The following SDR42E1 variants were observed in gnomAD, a reference collection of about 807,000 sequenced individuals.
The protein encoded by SDR42E1 is short-chain dehydrogenase/reductase family 42E member 1.
Under a neutral mutation model 2.6 loss-of-function variants are expected in SDR42E1, and 5 were observed. That is an observed-to-expected ratio of 1.94 (90% CI 1.01 to 4.08). The LOEUF is 4.08. SDR42E1 is among the 30% of genes most tolerant of loss of function. The pLI is 0.00. For missense variants in SDR42E1, 596 were observed against 478.6 expected, an observed-to-expected ratio of 1.25 and a Z score of -2.29; for synonymous variants, 231 against 188.3, an observed-to-expected ratio of 1.23 and a Z score of -1.86.
intron 1 of SDR42E1, among the ~76,000 whole-genome samples, chr16:82,010,398 G>A (rs1913087552): frequency 6.6e-6 from 1 of 152,106 alleles, no homozygotes; most frequent in African/African-American, 2.4e-5. Context: ...GCACAATAAG[G>A]CTGGGACAAT....
Position 81,995,090 on chromosome 16 carries a change from T to G in SDR42E1, c.*4021A>C, listed in dbSNP as rs1196473725. The G allele has an allele frequency of 6.6e-6, 1 of 152,168 alleles. No individual in the cohort carries two copies. The highest frequency in any genetic ancestry group is 1.5e-5 in the Non-Finnish European group (1 of 68,058). 9.4% of individuals were successfully genotyped at this position (152,168 alleles called of 1,614,324 possible). ...CAGACCGCTCTTCCCTTTTTGCAGG[T>G]GGGAGCAGTTTGGGCATTACCTTTA... On this transcript the variant is annotated 3_prime_UTR_variant, in exon 3 of 3. Transcript: ENST00000328945.
chr16:82,007,316 C>T (rs956039154), intron 1 of SDR42E1, among the ~76,000 whole-genome samples: 4 of 152,104 alleles, frequency 2.6e-5, no homozygotes, highest in African/African-American at 9.7e-5. Flanking sequence ...GAAGTAATAC[C>T]AAGTAATTGA....
Position 81,999,976 on chromosome 16 carries a change from A to C in SDR42E1, c.317T>G (p.Ile106Ser), listed in dbSNP as rs1301836076. ...KEVNVRGTDN[I>S]LQVCQRRRVP... Reference sequence around the variant, plus strand: ...CCTTCTCCTTTGGCAAACCTGGAGGATGTTGTCTGTGCCCCTGACGTTGAC... The same window carrying C: ...CCTTCTCCTTTGGCAAACCTGGAGGCTGTTGTCTGTGCCCCTGACGTTGAC... The change falls in exon 3 of 3, where the codon ATC becomes AGC. Residue 106 changes from isoleucine (I) to serine (S), a missense_variant. Physicochemically the swap from Ile to Ser is moderately radical, Grantham distance 142. Transcript: ENST00000328945. 2 of 1,614,126 alleles carry C rather than the reference A, an allele frequency of 1.2e-6. No homozygotes were observed. The highest frequency in any genetic ancestry group is 2.2e-5 in the East Asian group (1 of 44,872).
At position 81,993,761 on chromosome 16, in the gene SDR42E1, T is replaced by C. The variant is rs1172374531; in HGVS notation, c.*5350A>G. 1 of 152,226 alleles carries C rather than the reference T, an allele frequency of 6.6e-6. No individual in the cohort carries two copies. The highest frequency in any genetic ancestry group is 6.5e-5 in the Admixed American group (1 of 15,276). The allele number at this position is 152,226 out of a possible 1,614,324, so 9.4% of individuals were successfully genotyped here. A position where few individuals can be genotyped will look rare whatever the true frequency, so the allele number is the denominator to read the frequency against. ...ATGGTTCCTGCTCTCATGGGGCGTTTATGTTCTGGGGAGCAAATCACTTCA... is the reference window on the plus strand; with the variant it reads ...ATGGTTCCTGCTCTCATGGGGCGTTCATGTTCTGGGGAGCAAATCACTTCA... On this transcript the variant is annotated 3_prime_UTR_variant, in exon 3 of 3. Transcript: ENST00000328945.
chr16:82,004,556 A>G (rs1242569062), intron 1 of SDR42E1, among the ~76,000 whole-genome samples: 2 of 152,190 alleles, frequency 1.3e-5, no homozygotes, highest in Non-Finnish European at 2.9e-5. Flanking sequence ...GCTATAGTGC[A>G]GAGGTGTGAC....
intron 1 of SDR42E1, among the ~76,000 whole-genome samples, chr16:82,005,764 G>A (rs1018983231): frequency 6.6e-6 from 1 of 152,134 alleles, no homozygotes; most frequent in African/African-American, 2.4e-5. Context: ...GGTGGGGAGG[G>A]CTACATCCGA....
Position 81,996,447 on chromosome 16 carries a change from G to C in SDR42E1, c.*2664C>G, listed in dbSNP as rs1357809667. ...ATCTCTGGGATGGGAAATTCAGCAGGTAGTGGAGATATTTACTAAGGAAGG... is the reference window on the plus strand; with the variant it reads ...ATCTCTGGGATGGGAAATTCAGCAGCTAGTGGAGATATTTACTAAGGAAGG... On this transcript the variant is annotated 3_prime_UTR_variant, in exon 3 of 3. Coordinates refer to ENST00000328945, the MANE Select transcript of SDR42E1 (RefSeq NM_145168.3). 1 of 152,198 alleles carries C rather than the reference G, an allele frequency of 6.6e-6. No homozygotes were observed. Among genetic ancestry groups the C allele is most frequent in the Admixed American group, 6.5e-5 (1 of 15,286 alleles). The allele number at this position is 152,198 out of a possible 1,614,324, so 9.4% of individuals were successfully genotyped here. A position where few individuals can be genotyped will look rare whatever the true frequency, so the allele number is the denominator to read the frequency against.
rs544849190 is a variant in SDR42E1, at chr16:81,994,850, C to T, written c.*4261G>A. On this transcript the variant is annotated 3_prime_UTR_variant, in exon 3 of 3. Coordinates refer to ENST00000328945, the MANE Select transcript of SDR42E1 (RefSeq NM_145168.3). ...AAGCAACACTTGCCTCTTTTATACA[C>T]CATGTTAGATGGTTGAGGAAAATAA... 4 of 152,298 alleles carry T rather than the reference C, an allele frequency of 2.6e-5. 1 individual carries two copies. The highest frequency in any genetic ancestry group is 9.6e-5 in the African/African-American group (4 of 41,548). 9.4% of individuals were successfully genotyped at this position (152,298 alleles called of 1,614,324 possible). A position where few individuals can be genotyped will look rare whatever the true frequency, so the allele number is the denominator to read the frequency against.
intron 1 of SDR42E1, among the ~76,000 whole-genome samples, chr16:82,002,763 C>A (rs1333051221): frequency 6.6e-6 from 1 of 152,174 alleles, no homozygotes; most frequent in East Asian, 1.9e-4. Flanking sequence ...ACACTCTGAA[C>A]CTGCTGCTTC....
chr16:82,003,196 G>T (rs573850801), intron 1 of SDR42E1, among the ~76,000 whole-genome samples: 9 of 152,238 alleles, frequency 5.9e-5, no homozygotes, highest in Admixed American at 2.0e-4. Flanking sequence ...AGTTCCCAAG[G>T]TTCCATTAAG....
Position 81,999,186 on chromosome 16 carries a change from C to T in SDR42E1, c.1107G>A (p.Trp369Ter), listed in dbSNP as rs1912638267. Residue 369 changes from tryptophan (W) to a stop codon, truncating the protein, a stop_gained, in exon 3 of 3, where the codon TGG becomes TGA. Transcript: ENST00000328945. LOFTEE classifies it low-confidence loss of function (END_TRUNC). ...TCAGGAGGAAGACCAATAGCCCATC[C>T]CAAACAAAACACTCCGAGTCACGAC... The part of the protein sequence containing the change: ...SGSRDSECFV[W>*]DGLLVFLLII... 1.2e-6 allele frequency: 2 copies of T among 1,614,112 alleles called. No homozygotes were observed. Among genetic ancestry groups the T allele is most frequent in the East Asian group, 2.2e-5 (1 of 44,896 alleles).
intron 1 of SDR42E1, among the ~76,000 whole-genome samples, chr16:82,001,315 T>C (rs974950756): frequency 6.6e-6 from 1 of 152,112 alleles, no homozygotes; most frequent in Non-Finnish European, 1.5e-5. Flanking sequence ...GCTCCCAACA[T>C]CTTTTCTTTA....
Position 82,007,268 on chromosome 16 carries a change from T to C in SDR42E1, c.-27+4119A>G, listed in dbSNP as rs74029342. ...CAAGGAGTACTACACTTGTACTTTCTTCTTCACTAGGTCAGCAGTTTGCCA... is the reference window on the plus strand; with the variant it reads ...CAAGGAGTACTACACTTGTACTTTCCTCTTCACTAGGTCAGCAGTTTGCCA... On this transcript the variant is annotated intron_variant, in intron 1 of 2. Transcript: ENST00000328945. 4.4e-3 allele frequency among the ~76,000 whole-genome samples: 671 copies of C among 152,346 alleles called. 5 individuals are homozygous for C. The highest frequency in any genetic ancestry group is 0.015 in the African/African-American group (630 of 41,576).
intron 1 of SDR42E1, among the ~76,000 whole-genome samples, chr16:82,010,695 T>TA (rs1913097990): frequency 6.6e-6 from 1 of 152,180 alleles, no homozygotes; most frequent in African/African-American, 2.4e-5. Context: ...CCGAAAAACA[T>TA]GTTCATCTTA....
At position 81,994,192 on chromosome 16, in the gene SDR42E1, G is replaced by A. The variant is rs556339303; in HGVS notation, c.*4919C>T. 3.3e-5 allele frequency: 5 copies of A among 152,198 alleles called. No individual in the cohort carries two copies. Among genetic ancestry groups the A allele is most frequent in the African/African-American group, 7.2e-5 (3 of 41,436 alleles). The allele number at this position is 152,198 out of a possible 1,614,324, so 9.4% of individuals were successfully genotyped here. On this transcript the variant is annotated 3_prime_UTR_variant, in exon 3 of 3. Coordinates refer to ENST00000328945, the MANE Select transcript of SDR42E1 (RefSeq NM_145168.3). ...GAATGATGAGCGTCCCGCAGGCAGCGTTACGGAACCCCAGTGTAGTCACCA... is the reference window on the plus strand; with the variant it reads ...GAATGATGAGCGTCCCGCAGGCAGCATTACGGAACCCCAGTGTAGTCACCA...
intron 1 of SDR42E1, among the ~76,000 whole-genome samples, chr16:82,009,559 G>A (rs905570385): frequency 2.2e-4 from 33 of 152,216 alleles, no homozygotes; most frequent in African/African-American, 5.1e-4. Flanking sequence ...TAGCCCCTTC[G>A]TTGTGGCCAA....
rs141904457 is a variant in SDR42E1 at position 81,991,643 on chromosome 16, C to A, written c.*7468G>T. On this transcript the variant is annotated 3_prime_UTR_variant, in exon 3 of 3. Coordinates refer to ENST00000328945, the MANE Select transcript of SDR42E1 (RefSeq NM_145168.3). ...GGACAATCATTTGAGCCCAGGAGTT[C>A]GAGCCAACAGTGAGCCATGACTGTG... is the stretch of plus-strand genomic sequence containing the variant. The A allele has an allele frequency of 1.3e-5, 2 of 149,440 alleles. No homozygotes were observed. The allele number at this position is 149,440 out of a possible 1,614,324, so 9.3% of individuals were successfully genotyped here. A position where few individuals can be genotyped will look rare whatever the true frequency, so the allele number is the denominator to read the frequency against.
chr16:82,000,422 A>T, intron 2 of SDR42E1, 198 bp from the exon 3 acceptor site: 1 of 733,554 alleles, frequency 1.4e-6, no homozygotes, highest in Non-Finnish European at 2.4e-6. Flanking sequence ...CATCTACTTA[A>T]ATTACAAAGA....
chr16:81,994,027 G>T lies in SDR42E1; in HGVS notation c.*5084C>A, dbSNP rs1235373453. On this transcript the variant is annotated 3_prime_UTR_variant, in exon 3 of 3. Transcript: ENST00000328945. Reference sequence around the variant, plus strand: ...GGAGAGGCTGCCTTTGGAAACCACGGGGTAGGATCACCTGTACCCAGGAGT... The same window carrying T: ...GGAGAGGCTGCCTTTGGAAACCACGTGGTAGGATCACCTGTACCCAGGAGT... 1 of 152,142 alleles carries T rather than the reference G, an allele frequency of 6.6e-6. No individual in the cohort carries two copies. Among genetic ancestry groups the T allele is most frequent in the Admixed American group, 6.5e-5 (1 of 15,272 alleles). 9.4% of individuals were successfully genotyped at this position (152,142 alleles called of 1,614,324 possible).
Sources: allele counts gnomAD v4.1 joint callset (sites outside exome capture counted in the v4.1 genomes callset), GRCh38; gene constraint gnomAD v4.1.1; transcripts MANE v1.5; gene names NCBI Gene and HGNC (gene_info 2026-07-23, HGNC 2026-07-21).